The following DYNC2I2 variants were observed in gnomAD, a reference collection of about 807,000 sequenced individuals.
The protein encoded by DYNC2I2 is dynein 2 intermediate chain 2, also known as cytoplasmic dynein 2 intermediate chain 2.
Under a neutral mutation model 52.0 loss-of-function variants are expected in DYNC2I2, and 39 were observed. The observed-to-expected ratio is 0.75, with a 90% CI of 0.58 to 0.98. The LOEUF is 0.98. Ranked by LOEUF, DYNC2I2 falls within the 50% of genes least tolerant of loss-of-function variation. The pLI, the probability that DYNC2I2 is intolerant of heterozygous loss-of-function variation, is 0.00. For missense variants in DYNC2I2, 743 were observed against 728.4 expected, an observed-to-expected ratio of 1.02 and a Z score of -0.23; for synonymous variants, 359 against 321.1, an observed-to-expected ratio of 1.12 and a Z score of -1.26.
the DYNC2I2 span, among the ~76,000 whole-genome samples, chr9:128,682,584 G>T: frequency 6.6e-6 from 1 of 152,004 alleles, no homozygotes; most frequent in African/African-American, 2.4e-5. Context: ...GGCTGAGGTG[G>T]GAGGATCACC....
chr9:128,643,561 G>A lies in DYNC2I2; in HGVS notation c.187-2622C>T, dbSNP rs188008293. Among the ~76,000 whole-genome samples, 743 of 151,634 alleles carry A rather than the reference G, an allele frequency of 4.9e-3. 2 individuals are homozygous for A. Among genetic ancestry groups the A allele is most frequent in the Non-Finnish European group, 8.6e-3 (586 of 67,918 alleles). ...AAAAAAAATTGCCAGGCATGACGGC[G>A]CATCCTGTAGTCCCCAGCTACTCAG... On this transcript the variant is annotated intron_variant, in intron 1 of 8. Transcript: ENST00000372715.
Position 128,634,711 on chromosome 9 carries a change from C to CA in DYNC2I2, c.1191dup (p.Val398CysfsTer17). 6.3e-7 allele frequency: 1 copy of CA among 1,580,120 alleles called. No homozygotes were observed. Among genetic ancestry groups the CA allele is most frequent in the African/African-American group, 1.3e-5 (1 of 74,570 alleles). On this transcript the variant is annotated frameshift_variant, in exon 7 of 9. Transcript: ENST00000372715. LOFTEE classifies it high-confidence loss of function. ...TACCTGTGGAAGGGGGAACAGCTCA[C>CA]AGAGTAGATGGGACCGCCGTGGGGG...
At position 128,635,689 on chromosome 9, in the gene DYNC2I2, G is replaced by A. The variant is rs746815029; in HGVS notation, c.782C>T (p.Thr261Met). 3 of 1,611,622 alleles carry A rather than the reference G, an allele frequency of 1.9e-6. No homozygotes were observed. The highest frequency in any genetic ancestry group is 1.1e-5 in the South Asian group (1 of 90,526). The stretch of plus-strand genomic sequence containing the variant: ...CACAGGGTCTGTGTGGGTGTCATCC[G>A]TCAGGCCTGTGCGCCACAGCAGCGG... The part of the protein sequence containing the change: ...EDPLLWRTGL[T>M]DDTHTDPVSQ... The change falls in exon 5 of 9, where the codon ACG (threonine) becomes ATG (methionine). Residue 261 changes from threonine to methionine, a missense_variant. Transcript: ENST00000372715.
At chr9:128,640,419 G>A (rs1860490789) in intron 2 of DYNC2I2, among the ~76,000 whole-genome samples, 1 of 152,228 alleles carries the variant, frequency 6.6e-6, no homozygotes, top group Non-Finnish European at 1.5e-5. Flanking sequence ...CCACTGCTCA[G>A]CTGCTCAGTT....
Position 128,633,724 on chromosome 9 carries a change from C to A in DYNC2I2, c.*20G>T. ...CAAGGCTCGGCACAGCGAAGGCTTGCACCCGCCTCCCGGGACCCCTCAGGC... is the reference window on the plus strand; with the variant it reads ...CAAGGCTCGGCACAGCGAAGGCTTGAACCCGCCTCCCGGGACCCCTCAGGC... On this transcript the variant is annotated 3_prime_UTR_variant, in exon 9 of 9. Transcript: ENST00000372715. 6.2e-7 allele frequency: 1 copy of A among 1,607,014 alleles called. No individual in the cohort carries two copies. The highest frequency in any genetic ancestry group is 8.5e-7 in the Non-Finnish European group (1 of 1,177,494).
the DYNC2I2 span, among the ~76,000 whole-genome samples, chr9:128,677,537 C>G: frequency 6.6e-6 from 1 of 152,026 alleles, no homozygotes; most frequent in Admixed American, 6.6e-5. Flanking sequence ...TGGCTCATGC[C>G]TATAATCCCA....
chr9:128,648,453 T>C (rs1028912888), intron 1 of DYNC2I2, among the ~76,000 whole-genome samples: 4 of 151,538 alleles, frequency 2.6e-5, no homozygotes, highest in Non-Finnish European at 4.4e-5. Context: ...GAGAATCTCC[T>C]GGGCCGGGCC....
At chr9:128,636,006 C>G in intron 4 of DYNC2I2, 2 of 688,890 alleles carry the variant, frequency 2.9e-6, no homozygotes, top group Non-Finnish European at 5.1e-6. Context: ...GTTGCCTGCC[C>G]CCTACCACTG....
At chr9:128,683,733 A>C in the DYNC2I2 span, 1 of 552,658 alleles carries the variant, frequency 1.8e-6, no homozygotes, top group Non-Finnish European at 3.2e-6. Context: ...AGGCTGGGGG[A>C]GGGGGCCGGG....
At chr9:128,678,564 C>T in the DYNC2I2 span, among the ~76,000 whole-genome samples, 1 of 139,156 alleles carries the variant, frequency 7.2e-6, no homozygotes, top group Non-Finnish European at 1.5e-5. Context: ...CAGGTTCAAG[C>T]GATTCTCCTG....
At chr9:128,668,126 A>T in the DYNC2I2 span, among the ~76,000 whole-genome samples, 2 of 151,854 alleles carry the variant, frequency 1.3e-5, no homozygotes, top group Non-Finnish European at 2.9e-5. Flanking sequence ...ATGCCCAGCT[A>T]ATTTTTGTAC....
intron 1 of DYNC2I2, among the ~76,000 whole-genome samples, chr9:128,653,637 A>G (rs974065555): frequency 4.6e-5 from 7 of 151,062 alleles, no homozygotes; most frequent in African/African-American, 1.7e-4. Context: ...AATCGCTTGA[A>G]GCCGGGAGGC....
chr9:128,647,299 G>A (rs1182679646), intron 1 of DYNC2I2, among the ~76,000 whole-genome samples: 1 of 152,208 alleles, frequency 6.6e-6, no homozygotes, highest in Admixed American at 6.5e-5. Flanking sequence ...TGACTAGCAA[G>A]AGGGTAAGGC....
At chr9:128,644,167 A>G (rs560620073) in intron 1 of DYNC2I2, among the ~76,000 whole-genome samples, 1 of 152,116 alleles carries the variant, frequency 6.6e-6, no homozygotes, top group Non-Finnish European at 1.5e-5. Context: ...CAACCACCCT[A>G]TGAAGTAAAT....
the DYNC2I2 span, among the ~76,000 whole-genome samples, chr9:128,682,509 C>T: frequency 1.3e-4 from 20 of 151,920 alleles, no homozygotes; most frequent in African/African-American, 4.8e-4. Flanking sequence ...AAACCCTGTG[C>T]CTACTAAAAA....
At chr9:128,644,018 T>C (rs964277833) in intron 1 of DYNC2I2, among the ~76,000 whole-genome samples, 26 of 152,152 alleles carry the variant, frequency 1.7e-4, no homozygotes, top group Non-Finnish European at 3.7e-4. Flanking sequence ...AAAGTGCATG[T>C]GCCGAGCCAA....
the DYNC2I2 span, among the ~76,000 whole-genome samples, chr9:128,676,862 T>G: frequency 2.0e-5 from 3 of 150,590 alleles, no homozygotes; most frequent in Non-Finnish European, 3.0e-5. Flanking sequence ...TTTTGTTTTG[T>G]TTTTGAGACG....
the DYNC2I2 span, among the ~76,000 whole-genome samples, chr9:128,682,636 A>G: frequency 6.7e-6 from 1 of 149,660 alleles, no homozygotes; most frequent in Non-Finnish European, 1.5e-5. Context: ...ATGATCACTA[A>G]TGTACTTGAG....
rs182481801 is a variant in DYNC2I2 at position 128,647,782 on chromosome 9, G to A, written c.187-6843C>T. 1.2e-3 allele frequency among the ~76,000 whole-genome samples: 186 copies of A among 149,450 alleles called. 1 individual carries two copies. The highest frequency in any genetic ancestry group is 3.6e-3 in the Admixed American group (54 of 14,968). On this transcript the variant is annotated intron_variant, in intron 1 of 8. Coordinates refer to ENST00000372715, the MANE Select transcript of DYNC2I2 (RefSeq NM_052844.4). Reference sequence around the variant, plus strand: ...CAGGGGAATACAAAGGGCTGGGCCAGACTTTATGTAATCAGACCAGGACAT... The same window carrying A: ...CAGGGGAATACAAAGGGCTGGGCCAAACTTTATGTAATCAGACCAGGACAT...
Sources: gnomAD v4.1 joint callset for allele counts (sites outside exome capture counted in the v4.1 genomes callset) on GRCh38, gnomAD v4.1.1 for gene constraint, MANE v1.5 for transcripts, NCBI Gene and HGNC (gene_info 2026-07-23, HGNC 2026-07-21) for gene names.